GRM8: variants seen among roughly 807,000 people sequenced by gnomAD.
GRM8 encodes the protein metabotropic glutamate receptor 8.
In GRM8, 47 loss-of-function variants were observed where a neutral mutation model predicts 87.2. That is an observed-to-expected ratio of 0.54 (90% CI 0.43 to 0.69). The LOEUF (loss-of-function observed/expected upper bound fraction) is 0.69, where lower values mean the gene tolerates loss of function less well. Among genes scored for constraint, GRM8 ranks in the 30% least tolerant of loss-of-function variants. The pLI, the probability that GRM8 is intolerant of heterozygous loss-of-function variation, is 0.00. For synonymous variants in GRM8, 396 were observed against 404.5 expected, an observed-to-expected ratio of 0.98 and a Z score of 0.25; for missense variants, 1,019 against 1,139.2, an observed-to-expected ratio of 0.89 and a Z score of 1.52.
chr7:126,996,078 T>C (rs920976377), intron 3 of GRM8, among the ~76,000 whole-genome samples: 7 of 152,012 alleles, frequency 4.6e-5, no homozygotes, highest in Admixed American at 2.0e-4. Context: ...ATAAAAACGT[T>C]TTACCCTGGA....
rs887312427 is a variant in GRM8, at chr7:126,801,519, T to C, written c.1157-31454A>G. On this transcript the variant is annotated intron_variant, in intron 6 of 10. Coordinates refer to ENST00000339582, the MANE Select transcript of GRM8 (RefSeq NM_000845.3). Reference sequence around the variant, plus strand: ...TAAAATGAAAATGATGATATGCTTATGTTTGCAGAGGGCACCAAAATAGTA... The same window carrying C: ...TAAAATGAAAATGATGATATGCTTACGTTTGCAGAGGGCACCAAAATAGTA... 3.4e-5 allele frequency among the ~76,000 whole-genome samples: 5 copies of C among 148,530 alleles called. 1 individual carries two copies. The highest frequency in any genetic ancestry group is 7.8e-5 in the African/African-American group (3 of 38,266).
intron 2 of GRM8, among the ~76,000 whole-genome samples, chr7:127,145,039 A>T (rs1563541015): frequency 6.6e-6 from 1 of 152,176 alleles, no homozygotes; most frequent in South Asian, 2.1e-4. Context: ...AGACATTGTC[A>T]TGGCTTTTGT....
chr7:127,011,003 G>C (rs934322473), intron 3 of GRM8, among the ~76,000 whole-genome samples: 6 of 152,060 alleles, frequency 3.9e-5, no homozygotes, highest in African/African-American at 1.4e-4. Flanking sequence ...TTACCATCTA[G>C]TTCATTATTA....
At chr7:126,893,017 A>G (rs1196105297) in intron 6 of GRM8, among the ~76,000 whole-genome samples, 2 of 152,062 alleles carry the variant, frequency 1.3e-5, no homozygotes, top group Non-Finnish European at 2.9e-5. Flanking sequence ...AACTTTTTAC[A>G]TTTTTAAAAT....
At chr7:126,802,241 G>T (rs965210505) in intron 6 of GRM8, among the ~76,000 whole-genome samples, 3 of 152,024 alleles carry the variant, frequency 2.0e-5, no homozygotes, top group Non-Finnish European at 4.4e-5. Context: ...ACAATATATG[G>T]CTTCTAACTG....
chr7:127,248,371 AT>A (rs1798687408), intron 1 of GRM8, among the ~76,000 whole-genome samples: 1 of 152,214 alleles, frequency 6.6e-6, no homozygotes, highest in Non-Finnish European at 1.5e-5. Context: ...TCAGGCGAGA[AT>A]TCAAATGCAG....
intron 3 of GRM8, among the ~76,000 whole-genome samples, chr7:126,955,903 T>C (rs1356797095): frequency 6.6e-6 from 1 of 152,190 alleles, no homozygotes; most frequent in African/African-American, 2.4e-5. Flanking sequence ...GGGATTTTCC[T>C]AGTGATTATA....
Position 126,611,046 on chromosome 7 carries a change from C to T in GRM8, c.1358-1548G>A, listed in dbSNP as rs577965948. ...AATAAATATGAATAAATTTTGAAGT[C>T]CTAAAAGAGCTGTAAATATGTACAT... On this transcript the variant is annotated intron_variant, in intron 7 of 10. Transcript: ENST00000339582. Among the ~76,000 whole-genome samples the T allele has an allele frequency of 5.9e-5, 9 of 152,216 alleles. No individual in the cohort carries two copies. The East Asian group carries it at 1.5e-3, about 26-fold the overall frequency.
At chr7:126,535,856 A>G (rs551488117) in intron 8 of GRM8, among the ~76,000 whole-genome samples, 1 of 152,190 alleles carries the variant, frequency 6.6e-6, no homozygotes, top group Admixed American at 6.5e-5. Context: ...CCAACTTCCC[A>G]TGCGTGTGAA....
intron 3 of GRM8, among the ~76,000 whole-genome samples, chr7:126,973,226 T>C (rs1314661606): frequency 6.6e-6 from 1 of 152,164 alleles, no homozygotes; most frequent in African/African-American, 2.4e-5. Context: ...AAAATTTGCA[T>C]TTCTAACACA....
chr7:126,746,391 T>C (rs547106930), intron 7 of GRM8, among the ~76,000 whole-genome samples: 10 of 151,762 alleles, frequency 6.6e-5, no homozygotes, highest in Admixed American at 2.0e-4. Context: ...CATGGTTATC[T>C]AGAATATAGA....
intron 9 of GRM8, among the ~76,000 whole-genome samples, chr7:126,483,418 A>C (rs1806952609): frequency 6.6e-6 from 1 of 150,612 alleles, no homozygotes; most frequent in Admixed American, 6.7e-5. Context: ...AATAAAATTT[A>C]ATAAAACATA....
chr7:127,182,275 C>A (rs892108226), intron 2 of GRM8, among the ~76,000 whole-genome samples: 4 of 152,022 alleles, frequency 2.6e-5, no homozygotes, highest in African/African-American at 9.7e-5. Flanking sequence ...CAGGAAAATG[C>A]AAACCAAAAC....
intron 7 of GRM8, among the ~76,000 whole-genome samples, chr7:126,668,562 G>A (rs1251196482): frequency 2.6e-5 from 4 of 152,074 alleles, no homozygotes; most frequent in African/African-American, 9.7e-5. Flanking sequence ...CATGGCCCAA[G>A]GGTCCTGCAC....
chr7:126,705,913 T>C (rs985467192), intron 7 of GRM8, among the ~76,000 whole-genome samples: 1 of 152,140 alleles, frequency 6.6e-6, no homozygotes, highest in East Asian at 1.9e-4. Flanking sequence ...CTATTTATTA[T>C]GTTATGGGCT....
intron 7 of GRM8, among the ~76,000 whole-genome samples, chr7:126,641,144 G>C (rs1199422574): frequency 6.6e-6 from 1 of 152,118 alleles, no homozygotes; most frequent in African/African-American, 2.4e-5. Context: ...TTCTTCAAGA[G>C]CTCTGTTAGC....
intron 3 of GRM8, among the ~76,000 whole-genome samples, chr7:126,907,261 AAGG>A (rs3038982): frequency 0.4 from 54,995 of 136,864 alleles, 11,486 homozygotes; most frequent in East Asian, 0.66. Context: ...GAGTAAGAGA[AAGG>A]AGGAGGAGGA....
chr7:126,611,069 CATT>C (rs1039681327), intron 7 of GRM8, among the ~76,000 whole-genome samples: 26 of 152,056 alleles, frequency 1.7e-4, no homozygotes, highest in African/African-American at 5.8e-4. Context: ...TAAATATGTA[CATT>C]ATTATTACTA....
At chr7:126,765,976 C>G (rs1443498342) in intron 7 of GRM8, among the ~76,000 whole-genome samples, 1 of 151,902 alleles carries the variant, frequency 6.6e-6, no homozygotes, top group Non-Finnish European at 1.5e-5. Context: ...GTCTTTGATG[C>G]CAATTAGTAC....
Sources: gnomAD v4.1 joint callset for allele counts (sites outside exome capture counted in the v4.1 genomes callset) on GRCh38, gnomAD v4.1.1 for gene constraint, MANE v1.5 for transcripts, NCBI Gene and HGNC (gene_info 2026-07-23, HGNC 2026-07-21) for gene names.